Variants in ASIC2 observed in about 807,000 individuals in gnomAD.
The protein encoded by ASIC2 is acid-sensing ion channel 2.
In ASIC2, 25 loss-of-function variants were observed where a neutral mutation model predicts 57.3. The ratio of observed to expected loss-of-function variants is 0.44; its 90% CI spans 0.32 to 0.61. The LOEUF is 0.61. ASIC2 is among the 20% of genes least tolerant of loss of function. The probability of loss-of-function intolerance (pLI) is 0.06; values close to 1 mark genes in which losing one functional copy is unlikely to be tolerated. For missense variants in ASIC2, 641 were observed against 738.1 expected, an observed-to-expected ratio of 0.87 and a Z score of 1.52; for synonymous variants, 319 against 307.5, an observed-to-expected ratio of 1.04 and a Z score of -0.39.
At position 33,890,164 on chromosome 17, in the gene ASIC2, C is replaced by T. The variant is rs7208712; in HGVS notation, c.555+265814G>A. Among the ~76,000 whole-genome samples, 470 of 152,256 alleles carry T rather than the reference C, an allele frequency of 3.1e-3. 4 individuals carry two copies. Among genetic ancestry groups the T allele is most frequent in the African/African-American group, 0.011 (451 of 41,552 alleles). ...TAGCTAATTTCAGGGGCTCAATGGC[C>T]ACCTGTGGCTAGTGGCTACCTTACT... On this transcript the variant is annotated intron_variant, in intron 1 of 9. Coordinates refer to the ASIC2 transcript ENST00000359872.
chr17:33,604,646 G>A (rs72827212), intron 1 of ASIC2, among the ~76,000 whole-genome samples: 49,734 of 151,862 alleles, frequency 0.33, 9,081 homozygotes, highest in Middle Eastern at 0.48. Context: ...GAGGCGAGGG[G>A]GTTAGATTTT....
At chr17:33,051,162 G>T (rs1034180310) in intron 3 of ASIC2, among the ~76,000 whole-genome samples, 2 of 152,120 alleles carry the variant, frequency 1.3e-5, no homozygotes, top group East Asian at 1.9e-4. Flanking sequence ...AGGATGCTTT[G>T]CCAAGGGTCT....
chr17:33,043,568 C>A (rs968031631), intron 3 of ASIC2, among the ~76,000 whole-genome samples: 2 of 152,168 alleles, frequency 1.3e-5, no homozygotes, highest in African/African-American at 2.4e-5. Flanking sequence ...CTAAACACTG[C>A]CATTTGATTG....
chr17:33,510,783 C>T (rs896736646), intron 1 of ASIC2, among the ~76,000 whole-genome samples: 1 of 152,164 alleles, frequency 6.6e-6, no homozygotes, highest in Non-Finnish European at 1.5e-5. Context: ...GTACCCTGGG[C>T]TCATTCATGT....
chr17:33,882,454 A>G (rs1914725835), intron 1 of ASIC2, among the ~76,000 whole-genome samples: 1 of 152,356 alleles, frequency 6.6e-6, no homozygotes, highest in Middle Eastern at 3.4e-3. Context: ...GGCGAAGGAT[A>G]TGAACAGACA....
chr17:33,787,178 T>C (rs1397844899), intron 1 of ASIC2, among the ~76,000 whole-genome samples: 3 of 152,210 alleles, frequency 2.0e-5, no homozygotes, highest in Non-Finnish European at 4.4e-5. Flanking sequence ...ACTTGCTATC[T>C]CCCATTGCAA....
At chr17:34,034,311 AC>A (rs1301375175) in intron 1 of ASIC2, among the ~76,000 whole-genome samples, 14 of 152,204 alleles carry the variant, frequency 9.2e-5, no homozygotes, top group African/African-American at 2.9e-4. Context: ...AAATTCAACA[AC>A]CCTTCATGCT....
intron 1 of ASIC2, among the ~76,000 whole-genome samples, chr17:33,863,861 A>G (rs2141925653): frequency 6.6e-6 from 1 of 151,874 alleles, no homozygotes; most frequent in East Asian, 1.9e-4. Context: ...CATATTTTTT[A>G]TTATGCTCAC....
intron 1 of ASIC2, among the ~76,000 whole-genome samples, chr17:33,473,053 A>G (rs1758290809): frequency 6.6e-6 from 1 of 152,234 alleles, no homozygotes; most frequent in Admixed American, 6.5e-5. Flanking sequence ...GTCTGGCCAT[A>G]GGCATGCAAT....
At chr17:33,625,900 G>A (rs1905968394) in intron 1 of ASIC2, among the ~76,000 whole-genome samples, 1 of 152,186 alleles carries the variant, frequency 6.6e-6, no homozygotes, top group African/African-American at 2.4e-5. Context: ...AAGGTATTCT[G>A]AATGTCAAGG....
rs569615763 is a variant in ASIC2 at position 33,121,443 on chromosome 17, C to T, written c.709-9376G>A. On this transcript the variant is annotated intron_variant, in intron 1 of 9. Transcript: ENST00000225823. ...GCAGTGATGGGGGGATGGTGGTTTT[C>T]GGGGCATGGAGAAGTGTTGTGAAAT... 1.4e-4 allele frequency among the ~76,000 whole-genome samples: 22 copies of T among 151,922 alleles called. No homozygotes were observed. In the South Asian group the frequency reaches 1.7e-3, roughly 12 times the overall value.
intron 2 of ASIC2, among the ~76,000 whole-genome samples, chr17:33,097,620 CT>C (rs1236008082): frequency 6.6e-6 from 1 of 152,202 alleles, no homozygotes; most frequent in Non-Finnish European, 1.5e-5. Context: ...CCTCCCCTGC[CT>C]TTTGTTAGTG....
At chr17:33,525,857 C>T (rs1914871909) in intron 1 of ASIC2, among the ~76,000 whole-genome samples, 1 of 152,180 alleles carries the variant, frequency 6.6e-6, no homozygotes, top group African/African-American at 2.4e-5. Context: ...GGAAGCTTTC[C>T]CAGACCCCAC....
chr17:33,530,996 G>A (rs1436692791), intron 1 of ASIC2, among the ~76,000 whole-genome samples: 1 of 151,686 alleles, frequency 6.6e-6, no homozygotes, highest in Non-Finnish European at 1.5e-5. Flanking sequence ...CCTTAAATAA[G>A]TTAAAGAAAA....
At chr17:33,917,196 T>C (rs976715345) in intron 1 of ASIC2, among the ~76,000 whole-genome samples, 1 of 152,094 alleles carries the variant, frequency 6.6e-6, no homozygotes, top group Non-Finnish European at 1.5e-5. Flanking sequence ...CTGTATCCTA[T>C]TTTGAGTCTC....
chr17:33,605,973 A>G (rs536277720), intron 1 of ASIC2, among the ~76,000 whole-genome samples: 252 of 152,282 alleles, frequency 1.7e-3, no homozygotes, highest in African/African-American at 5.8e-3. Context: ...AGATATTACA[A>G]TGACACAGCC....
At chr17:34,065,484 C>A (rs550261626) in intron 1 of ASIC2, among the ~76,000 whole-genome samples, 2 of 152,236 alleles carry the variant, frequency 1.3e-5, no homozygotes, top group South Asian at 4.1e-4. Flanking sequence ...CCAAATACCA[C>A]CTGTACCCCA....
chr17:33,649,342 T>C (rs956557708), intron 1 of ASIC2, among the ~76,000 whole-genome samples: 3 of 152,220 alleles, frequency 2.0e-5, no homozygotes, highest in African/African-American at 4.8e-5. Context: ...TCTAAATATG[T>C]ACAGGACTGA....
In ASIC2 at chr17:33,293,107, C is replaced by A; in HGVS notation, c.-992G>T. ...ACACCTCCCGGGGGTGACCCGGACT[C>A]GCTGCTCCGCGCGCCCTTCTCCTCT... is the stretch of plus-strand genomic sequence containing the variant. On this transcript the variant is annotated 5_prime_UTR_variant, in exon 1 of 10. Coordinates refer to ENST00000225823, the MANE Select transcript of ASIC2 (RefSeq NM_183377.2). 5 of 890,522 alleles carry A rather than the reference C, an allele frequency of 5.6e-6. No individual in the cohort carries two copies. Among genetic ancestry groups the A allele is most frequent in the Non-Finnish European group, 6.7e-6 (5 of 743,596 alleles). 55.2% of individuals were successfully genotyped at this position (890,522 alleles called of 1,614,324 possible). A position where few individuals can be genotyped will look rare whatever the true frequency, so the allele number is the denominator to read the frequency against.
Sources: gnomAD v4.1 joint callset for allele counts (sites outside exome capture counted in the v4.1 genomes callset) on GRCh38, gnomAD v4.1.1 for gene constraint, MANE v1.5 for transcripts, NCBI Gene and HGNC (gene_info 2026-07-23, HGNC 2026-07-21) for gene names.